Variants in EPB41L3 observed in about 807,000 individuals in gnomAD.
The protein encoded by EPB41L3 is erythrocyte membrane protein band 4.1 like 3.
A neutral mutation model predicts 127.1 loss-of-function variants in EPB41L3; 57 were observed. That is an observed-to-expected ratio of 0.45 (90% CI 0.36 to 0.56). The LOEUF (loss-of-function observed/expected upper bound fraction) is 0.56. Among genes scored for constraint, EPB41L3 ranks in the 20% least tolerant of loss-of-function variants. The pLI, the probability that EPB41L3 is intolerant of heterozygous loss-of-function variation, is 0.00. For synonymous variants in EPB41L3, 572 were observed against 549.5 expected, an observed-to-expected ratio of 1.04 and a Z score of -0.57; for missense variants, 1,273 against 1,372.2, an observed-to-expected ratio of 0.93 and a Z score of 1.14.
At chr18:5,431,864 A>G (rs916994333) in intron 8 of EPB41L3, among the ~76,000 whole-genome samples, 1 of 152,196 alleles carries the variant, frequency 6.6e-6, no homozygotes, top group Non-Finnish European at 1.5e-5. Context: ...TACCTAACAT[A>G]TAATAGAAAA....
In EPB41L3 at chr18:5,543,678, CG is replaced by C. The variant is rs1264943580; in HGVS notation, c.-12+234del. Among the ~76,000 whole-genome samples, 3 of 146,566 alleles carry C rather than the reference CG, an allele frequency of 2.0e-5. No individual in the cohort carries two copies. Among genetic ancestry groups the C allele is most frequent in the Admixed American group, 2.0e-4 (3 of 14,826 alleles). ...ACTGCGCCGCGGCGGGCGGAGCGGG[CG>C]GGGGGCGCGGCGCGCAGGCTCGGCC... is the stretch of plus-strand genomic sequence containing the variant. On this transcript the variant is annotated intron_variant, in intron 1 of 22. Coordinates refer to ENST00000341928, the MANE Select transcript of EPB41L3 (RefSeq NM_012307.5). The surrounding 1 kb of genome is among the most constrained non-coding windows in gnomAD (Gnocchi z 5.2).
intron 1 of EPB41L3, among the ~76,000 whole-genome samples, chr18:5,506,322 AAAG>A (rs1166491332): frequency 6.6e-6 from 1 of 152,090 alleles, no homozygotes; most frequent in Non-Finnish European, 1.5e-5. Context: ...CGCTGGCCTG[AAAG>A]AGCGCTACTC....
intron 1 of EPB41L3, among the ~76,000 whole-genome samples, chr18:5,491,472 C>T (rs2090587547): frequency 6.6e-6 from 1 of 152,210 alleles, no homozygotes; most frequent in Non-Finnish European, 1.5e-5. Context: ...AATCCAGGAC[C>T]ATCACCAAAG....
At chr18:5,428,538 A>G (rs1446266640) in intron 8 of EPB41L3, 73 bp from the exon 9 acceptor site, 1 of 1,564,994 alleles carries the variant, frequency 6.4e-7, no homozygotes, top group Non-Finnish European at 8.7e-7. Context: ...AAAGTATTTA[A>G]GCATCCACGA....
chr18:5,409,107 G>T lies in EPB41L3; in HGVS notation c.2122-1371C>A, dbSNP rs955589979. 3.3e-5 allele frequency among the ~76,000 whole-genome samples: 5 copies of T among 152,336 alleles called. 1 individual carries two copies. The East Asian group carries it at 9.6e-4, about 29-fold the overall frequency. The stretch of plus-strand genomic sequence containing the variant: ...GTGCTGGCCACCTATAGATGGGACA[G>T]AGTTTCATCAGTATCACGGGGCAAA... On this transcript the variant is annotated intron_variant, in intron 14 of 22. Coordinates refer to ENST00000341928, the MANE Select transcript of EPB41L3 (RefSeq NM_012307.5).
At chr18:5,598,719 C>T (rs2094560225) in intron 3 of EPB41L3, among the ~76,000 whole-genome samples, 2 of 152,188 alleles carry the variant, frequency 1.3e-5, no homozygotes, top group Non-Finnish European at 1.5e-5. Context: ...GAAGAAGAGG[C>T]AGAAAAGCAG....
intron 3 of EPB41L3, among the ~76,000 whole-genome samples, chr18:5,472,284 TTCCTA>T (rs1169134263): frequency 6.6e-6 from 1 of 152,184 alleles, no homozygotes; most frequent in Non-Finnish European, 1.5e-5. Context: ...TATGTAACTG[TTCCTA>T]TGGTTGCACC....
At chr18:5,425,754 GCT>G (rs1168744466) in intron 9 of EPB41L3, among the ~76,000 whole-genome samples, 1 of 152,104 alleles carries the variant, frequency 6.6e-6, no homozygotes, top group Non-Finnish European at 1.5e-5. Context: ...TGAAAAACCA[GCT>G]CTCTCTGAGC....
At chr18:5,580,649 C>T (rs2094385344) in intron 3 of EPB41L3, among the ~76,000 whole-genome samples, 1 of 152,112 alleles carries the variant, frequency 6.6e-6, no homozygotes, top group African/African-American at 2.4e-5. Context: ...CTCATGCAGA[C>T]ATATGTATAG....
Position 5,445,260 on chromosome 18 carries a change from T to C in EPB41L3, c.382-16A>G. The C allele has an allele frequency of 6.3e-7, 1 of 1,594,960 alleles. No homozygotes were observed. Among genetic ancestry groups the C allele is most frequent in the Non-Finnish European group, 8.6e-7 (1 of 1,163,550 alleles). On this transcript the variant is annotated splice_polypyrimidine_tract_variant and intron_variant, in intron 3 of 22. Transcript: ENST00000341928. ...TGGAGCGTTTCTACAGAAAACAGAA[T>C]AGCAAAGCAAGTCAATACAACACAA...
intron 5 of EPB41L3, among the ~76,000 whole-genome samples, chr18:5,442,113 G>T (rs1216518146): frequency 1.3e-5 from 2 of 152,056 alleles, no homozygotes; most frequent in South Asian, 2.1e-4. Context: ...TTAATTAGAT[G>T]AATAAGAGAA....
At chr18:5,477,983 C>A (rs544639948) in intron 3 of EPB41L3, among the ~76,000 whole-genome samples, 2 of 151,960 alleles carry the variant, frequency 1.3e-5, no homozygotes, top group Non-Finnish European at 2.9e-5. Context: ...TTTTTTTGTT[C>A]CTACCATATT....
intron 19 of EPB41L3, 48 bp downstream of exon 19, chr18:5,396,153 A>T (rs1190335160): frequency 6.2e-7 from 1 of 1,610,856 alleles, no homozygotes; most frequent in Non-Finnish European, 8.5e-7. Flanking sequence ...TAGGCCATAG[A>T]GGGGTGAAAT....
intron 13 of EPB41L3, among the ~76,000 whole-genome samples, chr18:5,415,511 G>T (rs1231609120): frequency 6.6e-6 from 1 of 152,160 alleles, no homozygotes; most frequent in Admixed American, 6.5e-5. Flanking sequence ...CTTTAGCTTA[G>T]CCCTGATCTT....
intron 12 of EPB41L3, 122 bp downstream of exon 12, chr18:5,419,589 G>T: frequency 7.6e-7 from 1 of 1,312,194 alleles, no homozygotes; most frequent in Non-Finnish European, 1.0e-6. Flanking sequence ...ACATATGAAT[G>T]TGACCAGTGC....
intron 3 of EPB41L3, among the ~76,000 whole-genome samples, chr18:5,453,670 C>A (rs1320967061): frequency 6.6e-6 from 1 of 151,978 alleles, no homozygotes; most frequent in East Asian, 1.9e-4. Flanking sequence ...TCAAATAGAC[C>A]CCTGATTTTC....
At chr18:5,520,054 C>T (rs937110501) in intron 1 of EPB41L3, among the ~76,000 whole-genome samples, 5 of 152,052 alleles carry the variant, frequency 3.3e-5, no homozygotes, top group Non-Finnish European at 5.9e-5. Flanking sequence ...CCAGGGACTT[C>T]GTAATAAAAG....
At chr18:5,602,579 G>A (rs1312676662) in intron 3 of EPB41L3, among the ~76,000 whole-genome samples, 1 of 152,130 alleles carries the variant, frequency 6.6e-6, no homozygotes, top group African/African-American at 2.4e-5. Context: ...TGAGTAGCTG[G>A]GACTACAGGC....
At chr18:5,605,015 G>A (rs75423654) in intron 3 of EPB41L3, among the ~76,000 whole-genome samples, 7,785 of 152,134 alleles carry the variant, frequency 0.051, 248 homozygotes, top group South Asian at 0.12. Flanking sequence ...TGCCTCTGCC[G>A]AAGACAACTG....
Sources: allele counts gnomAD v4.1 joint callset (sites outside exome capture counted in the v4.1 genomes callset), GRCh38; gene constraint gnomAD v4.1.1; non-coding constraint Gnocchi (gnomAD v3.1); transcripts MANE v1.5; gene names NCBI Gene and HGNC (gene_info 2026-07-23, HGNC 2026-07-21).